ST6GALNAC3: variants seen among roughly 807,000 people sequenced by gnomAD.
ST6GALNAC3 encodes the protein ST6 N-acetylgalactosaminide alpha-2,6-sialyltransferase 3, also known as alpha-N-acetylgalactosaminide alpha-2,6-sialyltransferase 3.
ST6GALNAC3 carries 25 observed loss-of-function variants against 32.7 expected under a neutral mutation model. The observed-to-expected ratio is 0.76, with a 90% CI of 0.56 to 1.07. The LOEUF (loss-of-function observed/expected upper bound fraction) is 1.07. Among genes scored for constraint, ST6GALNAC3 ranks in the 50% least tolerant of loss-of-function variants. ST6GALNAC3 has a pLI of 0.00. For synonymous variants in ST6GALNAC3, 129 were observed against 133.1 expected (o/e 0.97, Z 0.21); for missense variants, 355 against 382.4 (o/e 0.93, Z 0.60).
At chr1:76,216,670 A>G (rs1437739132) in intron 1 of ST6GALNAC3, among the ~76,000 whole-genome samples, 1 of 152,214 alleles carries the variant, frequency 6.6e-6, no homozygotes, top group Non-Finnish European at 1.5e-5. Flanking sequence ...AACTTTATTC[A>G]TTGGTCAGCA....
At chr1:76,302,671 A>AT (rs1660796621) in intron 1 of ST6GALNAC3, among the ~76,000 whole-genome samples, 3 of 151,950 alleles carry the variant, frequency 2.0e-5, no homozygotes, top group Non-Finnish European at 4.4e-5. Flanking sequence ...ACTCATTTAA[A>AT]CCTTCAATAA....
At chr1:76,493,564 T>C (rs1392670994) in intron 3 of ST6GALNAC3, among the ~76,000 whole-genome samples, 1 of 152,182 alleles carries the variant, frequency 6.6e-6, no homozygotes, top group African/African-American at 2.4e-5. Flanking sequence ...TCTAGTTTTC[T>C]ACATATGGGC....
At chr1:76,139,180 C>A (rs1232658178) in intron 1 of ST6GALNAC3, among the ~76,000 whole-genome samples, 1 of 150,268 alleles carries the variant, frequency 6.7e-6, no homozygotes, top group Non-Finnish European at 1.5e-5. Flanking sequence ...GGCGACAGAG[C>A]GAGACTCCGT....
At chr1:76,137,308 T>C (rs1180513140) in intron 1 of ST6GALNAC3, among the ~76,000 whole-genome samples, 2 of 152,204 alleles carry the variant, frequency 1.3e-5, no homozygotes, top group East Asian at 3.9e-4. Flanking sequence ...CTGTTAGCCG[T>C]GCTATGGATG....
intron 3 of ST6GALNAC3, among the ~76,000 whole-genome samples, chr1:76,451,208 A>G (rs904251085): frequency 6.6e-5 from 10 of 152,216 alleles, no homozygotes; most frequent in African/African-American, 2.4e-4. Flanking sequence ...GCTAAGAAAG[A>G]CATACCTGAG....
At chr1:76,078,993 G>C (rs1012215647) in intron 1 of ST6GALNAC3, among the ~76,000 whole-genome samples, 26 of 152,184 alleles carry the variant, frequency 1.7e-4, no homozygotes, top group African/African-American at 5.8e-4. Context: ...TGTTGGCCAG[G>C]CTGGTATTGA....
chr1:76,540,238 C>T (rs1663905090), intron 3 of ST6GALNAC3, among the ~76,000 whole-genome samples: 1 of 152,100 alleles, frequency 6.6e-6, no homozygotes, highest in South Asian at 2.1e-4. Flanking sequence ...CCTTCATCTC[C>T]AGCAAACTAA....
intron 2 of ST6GALNAC3, among the ~76,000 whole-genome samples, chr1:76,336,603 G>A (rs1434086654): frequency 6.6e-6 from 1 of 152,174 alleles, no homozygotes; most frequent in East Asian, 1.9e-4. Flanking sequence ...AGGAAACTAA[G>A]TCACTAAAAG....
rs183194578 is a variant in ST6GALNAC3, at chr1:76,597,453, A to G, written c.624-29999A>G. ...TGAATGCCTGTGCCCCCAAAAATTC[A>G]TAAGTTGAAATCCTAACCCCCAAGG... On this transcript the variant is annotated intron_variant, in intron 3 of 4. Coordinates refer to ENST00000328299, the MANE Select transcript of ST6GALNAC3 (RefSeq NM_152996.4). Among the ~76,000 whole-genome samples, 29 of 152,144 alleles carry G rather than the reference A, an allele frequency of 1.9e-4. No homozygotes were observed. In the South Asian group the frequency reaches 4.8e-3, roughly 25 times the overall value.
At chr1:76,627,367 T>A in intron 3 of ST6GALNAC3, 85 bp from the exon 4 acceptor site, 1 of 844,344 alleles carries the variant, frequency 1.2e-6, no homozygotes, top group Admixed American at 2.1e-5. Context: ...GATGAAATGT[T>A]GCTCGTTTCT....
At position 76,364,366 on chromosome 1, in the gene ST6GALNAC3, T is replaced by A. The variant is rs550013076; in HGVS notation, c.214-47642T>A. On this transcript the variant is annotated intron_variant, in intron 2 of 4. Transcript: ENST00000328299. ...GAGTTTGAGACTAGCCTGGCCAACATGGCAAAAACCCCATCTCTACTTTAA... is the reference window on the plus strand; with the variant it reads ...GAGTTTGAGACTAGCCTGGCCAACAAGGCAAAAACCCCATCTCTACTTTAA... Among the ~76,000 whole-genome samples, 246 of 152,108 alleles carry A rather than the reference T, an allele frequency of 1.6e-3. 1 individual carries two copies. The highest frequency in any genetic ancestry group is 5.9e-3 in the African/African-American group (244 of 41,502).
chr1:76,481,193 C>A (rs1048174202), intron 3 of ST6GALNAC3, among the ~76,000 whole-genome samples: 3 of 152,114 alleles, frequency 2.0e-5, no homozygotes, highest in Admixed American at 6.6e-5. Context: ...TATTTTAAAT[C>A]CACATTCATC....
intron 3 of ST6GALNAC3, among the ~76,000 whole-genome samples, chr1:76,473,500 A>T (rs1254460991): frequency 6.6e-6 from 1 of 152,112 alleles, no homozygotes; most frequent in African/African-American, 2.4e-5. Flanking sequence ...ACCTTTCTTG[A>T]GTTATTAAAT....
intron 3 of ST6GALNAC3, among the ~76,000 whole-genome samples, chr1:76,534,682 A>C (rs1663485659): frequency 6.6e-6 from 1 of 152,216 alleles, no homozygotes; most frequent in Admixed American, 6.5e-5. Flanking sequence ...ATATTCAATA[A>C]ATCATTGTTT....
At chr1:76,591,522 A>T (rs368341550) in intron 3 of ST6GALNAC3, among the ~76,000 whole-genome samples, 54 of 152,290 alleles carry the variant, frequency 3.5e-4, no homozygotes, top group South Asian at 1.2e-3. Flanking sequence ...ATTATCATTC[A>T]TTCAGAAAAT....
chr1:76,543,658 A>G (rs1347269728), intron 3 of ST6GALNAC3, among the ~76,000 whole-genome samples: 1 of 152,112 alleles, frequency 6.6e-6, no homozygotes, highest in Non-Finnish European at 1.5e-5. Flanking sequence ...AAACTTCTCC[A>G]TCTCAGAGAG....
intron 2 of ST6GALNAC3, among the ~76,000 whole-genome samples, chr1:76,388,421 T>C (rs1250912186): frequency 6.6e-6 from 1 of 152,218 alleles, no homozygotes; most frequent in East Asian, 1.9e-4. Context: ...GCTATGAATT[T>C]ATAAGCAGAG....
At chr1:76,374,963 G>T (rs766814857) in intron 2 of ST6GALNAC3, among the ~76,000 whole-genome samples, 1 of 151,614 alleles carries the variant, frequency 6.6e-6, no homozygotes, top group Admixed American at 6.6e-5. Context: ...TCTTTTTCTT[G>T]GTTTTTATAA....
chr1:76,251,833 C>CTAGAT (rs1657635026), intron 1 of ST6GALNAC3, among the ~76,000 whole-genome samples: 1 of 152,050 alleles, frequency 6.6e-6, no homozygotes, highest in South Asian at 2.1e-4. Flanking sequence ...CGTTCTGCTC[C>CTAGAT]TAGATAAGCA....
Sources: allele counts gnomAD v4.1 joint callset (sites outside exome capture counted in the v4.1 genomes callset), GRCh38; gene constraint gnomAD v4.1.1; transcripts MANE v1.5; gene names NCBI Gene and HGNC (gene_info 2026-07-23, HGNC 2026-07-21).